The following MTCL1 variants were observed in gnomAD, a reference collection of about 807,000 sequenced individuals.
The protein encoded by MTCL1 is microtubule crosslinking factor 1.
Under a neutral mutation model 141.4 loss-of-function variants are expected in MTCL1, and 79 were observed. The observed-to-expected ratio is 0.56, with a 90% confidence interval of 0.47 to 0.67. The LOEUF (loss-of-function observed/expected upper bound fraction) is 0.67, where lower values mean the gene tolerates loss of function less well. Ranked by LOEUF, MTCL1 falls within the 30% of genes least tolerant of loss-of-function variation. The probability of loss-of-function intolerance (pLI) is 0.00; values close to 1 mark genes in which losing one functional copy is unlikely to be tolerated. For synonymous variants in MTCL1, 914 were observed against 875.8 expected (o/e 1.04, Z -0.77); for missense variants, 2,177 against 2,113.9 (o/e 1.03, Z -0.59).
At chr18:8,741,855 G>A (rs1034480280) in intron 4 of MTCL1, among the ~76,000 whole-genome samples, 1 of 152,154 alleles carries the variant, frequency 6.6e-6, no homozygotes, top group Admixed American at 6.5e-5. Flanking sequence ...GCCTGTGTTC[G>A]CTTGACTTAG....
At chr18:8,737,712 A>G (rs1391510677) in intron 4 of MTCL1, among the ~76,000 whole-genome samples, 1 of 152,212 alleles carries the variant, frequency 6.6e-6, no homozygotes, top group African/African-American at 2.4e-5. Context: ...GTCCCATGAC[A>G]TACCCATGGG....
chr18:8,766,460 A>C (rs964051502), intron 4 of MTCL1, among the ~76,000 whole-genome samples: 2 of 152,226 alleles, frequency 1.3e-5, no homozygotes, highest in Admixed American at 1.3e-4. Flanking sequence ...GGGGACTTGC[A>C]GACGATAGCT....
At chr18:8,717,638 C>CT (rs1189934583) in intron 1 of MTCL1, 3 of 152,610 alleles carry the variant, frequency 2.0e-5, no homozygotes, top group Non-Finnish European at 1.5e-5. Flanking sequence ...CCACTTACAT[C>CT]TGTGTGTGGC....
At position 8,798,272 on chromosome 18, in the gene MTCL1, G is replaced by T. The variant is rs781122327; in HGVS notation, c.2417G>T (p.Arg806Met). The change falls in exon 10 of 17, where the codon AGG (arginine) becomes ATG (methionine). Residue 806 changes from arginine (R) to methionine (M), a missense_variant. Physicochemically the swap from Arg to Met is moderately conservative, Grantham distance 91. Coordinates refer to ENST00000359865, the Ensembl canonical transcript of MTCL1. The stretch of plus-strand genomic sequence containing the variant: ...AGCTTGCGGCTGCAGACCGCGGACA[G>T]GGGACAGCCCCACAAACAGGTGGGT... 6.4e-6 allele frequency: 10 copies of T among 1,560,906 alleles called. No individual in the cohort carries two copies. In the East Asian group the frequency reaches 2.5e-4, roughly 38 times the overall value.
At chr18:8,714,898 G>A (rs111428967), upstream of MTCL1, among the ~76,000 whole-genome samples, 10 of 151,950 alleles carry the variant, frequency 6.6e-5, no homozygotes, top group African/African-American at 9.7e-5. Flanking sequence ...CCGGGTTCAC[G>A]CCATTCTTCT....
chr18:8,808,445 CAAAT>C (rs1468953042), intron 11 of MTCL1, among the ~76,000 whole-genome samples: 1 of 152,176 alleles, frequency 6.6e-6, no homozygotes, highest in African/African-American at 2.4e-5. Flanking sequence ...AGGTTTGCCA[CAAAT>C]AAACCCTCAG....
intron 12 of MTCL1, among the ~76,000 whole-genome samples, chr18:8,817,524 C>G (rs1203928838): frequency 2.0e-5 from 3 of 152,096 alleles, no homozygotes; most frequent in Non-Finnish European, 2.9e-5. Context: ...AGCAAACGTC[C>G]TTTTGTCTTT....
chr18:8,761,297 C>T (rs372751288), intron 4 of MTCL1, among the ~76,000 whole-genome samples: 80 of 152,220 alleles, frequency 5.3e-4, no homozygotes, highest in African/African-American at 1.9e-3. Context: ...GTGCTTATGA[C>T]TGAAAATTTT....
chr18:8,808,005 C>CAA (rs530719223), intron 11 of MTCL1, among the ~76,000 whole-genome samples: 8,946 of 114,430 alleles, frequency 0.078, 367 homozygotes, highest in East Asian at 0.14. Context: ...CTTGATGTGT[C>CAA]AAAAAAAAAA....
chr18:8,805,271 C>G lies in MTCL1; in HGVS notation c.2437-1622C>G, dbSNP rs551823661. On this transcript the variant is annotated intron_variant, in intron 10 of 16. Coordinates refer to ENST00000359865, the Ensembl canonical transcript of MTCL1. ...ACCCTTGCCCCTCTCCTCGCAACCC[C>G]TTTTGGAATACCCAGTGTCTGTTGT... 7.0e-4 allele frequency among the ~76,000 whole-genome samples: 107 copies of G among 152,220 alleles called. 1 individual carries two copies. Among genetic ancestry groups the G allele is most frequent in the Middle Eastern group, 6.8e-3 (2 of 294 alleles).
intron 10 of MTCL1, among the ~76,000 whole-genome samples, chr18:8,803,256 G>A (rs536589917): frequency 3.8e-4 from 58 of 152,150 alleles, no homozygotes; most frequent in Non-Finnish European, 5.7e-4. Context: ...TTTGGAACGC[G>A]ACAACCTGGA....
chr18:8,792,866 C>T, intron 7 of MTCL1, 132 bp from the exon 7 acceptor site: 1 of 1,284,862 alleles, frequency 7.8e-7, no homozygotes, highest in Non-Finnish European at 1.1e-6. Context: ...ACAGTCACTC[C>T]ACTGCTGCAG....
At chr18:8,784,317 G>C in exon 6 of MTCL1, 4 of 1,558,788 alleles carry the variant, frequency 2.6e-6, no homozygotes, top group Non-Finnish European at 3.5e-6. Context: ...GAGGAGAGCC[G>C]CCTGCCCCAG....
At chr18:8,789,481 A>G (rs764833201) in intron 7 of MTCL1, 26 of 985,282 alleles carry the variant, frequency 2.6e-5, no homozygotes, top group African/African-American at 3.5e-5. Context: ...TAAGTGTGGG[A>G]AGTAATTTGT....
intron 4 of MTCL1, among the ~76,000 whole-genome samples, chr18:8,724,164 C>G (rs2096192168): frequency 6.6e-6 from 1 of 152,128 alleles, no homozygotes; most frequent in Non-Finnish European, 1.5e-5. Context: ...AACCTCAGCA[C>G]TTTGGGAGGC....
At chr18:8,823,360 G>C (rs1254771997) in intron 14 of MTCL1, among the ~76,000 whole-genome samples, 2 of 152,172 alleles carry the variant, frequency 1.3e-5, no homozygotes, top group African/African-American at 4.8e-5. Context: ...CAGTTCCTCT[G>C]TGGGCAAAAG....
chr18:8,723,067 GA>G (rs936161042), intron 4 of MTCL1, among the ~76,000 whole-genome samples: 1 of 152,316 alleles, frequency 6.6e-6, no homozygotes, highest in Non-Finnish European at 1.5e-5. Flanking sequence ...TAGAATTACT[GA>G]GAGGAATTGT....
intron 4 of MTCL1, among the ~76,000 whole-genome samples, chr18:8,726,554 G>A (rs1276512652): frequency 1.1e-4 from 12 of 109,582 alleles, no homozygotes; most frequent in Non-Finnish European, 1.8e-4. Flanking sequence ...CGCGCAACAA[G>A]CAATGTTCTG....
rs988770359 is a variant in MTCL1, at chr18:8,810,562, C to A, written c.2605-2417C>A. Among the ~76,000 whole-genome samples, 6 of 152,152 alleles carry A rather than the reference C, an allele frequency of 3.9e-5. No homozygotes were observed. Among genetic ancestry groups the A allele is most frequent in the Admixed American group, 2.0e-4 (3 of 15,284 alleles). ...CATGAGGAGATTCTAAAGAGAGGAC[C>A]TGTTGGTTGCTGGAAGCATCTACAG... On this transcript the variant is annotated intron_variant, in intron 11 of 16. Coordinates refer to ENST00000359865, the Ensembl canonical transcript of MTCL1. The surrounding 1 kb of genome is among the most constrained non-coding windows in gnomAD (Gnocchi z 5.0).
Sources: gnomAD v4.1 joint callset for allele counts (sites outside exome capture counted in the v4.1 genomes callset) on GRCh38, gnomAD v4.1.1 for gene constraint, Gnocchi (gnomAD v3.1) non-coding constraint, MANE v1.5 for transcripts, NCBI Gene and HGNC (gene_info 2026-07-23, HGNC 2026-07-21) for gene names.